KATNA1: variants seen among roughly 807,000 people sequenced by gnomAD.
The protein encoded by KATNA1 is katanin p60 ATPase-containing subunit A1.
Under a neutral mutation model 62.6 loss-of-function variants are expected in KATNA1, and 42 were observed. The observed-to-expected ratio is 0.67, with a 90% confidence interval of 0.52 to 0.87. The LOEUF (loss-of-function observed/expected upper bound fraction) is 0.87. KATNA1 is among the 40% of genes least tolerant of loss of function. The pLI is 0.00. For missense variants in KATNA1, 498 were observed against 612.5 expected, an observed-to-expected ratio of 0.81 and a Z score of 1.97; for synonymous variants, 186 against 201.9, an observed-to-expected ratio of 0.92 and a Z score of 0.67.
chr6:149,609,632 G>A (rs1778869030), intron 4 of KATNA1, among the ~76,000 whole-genome samples: 2 of 151,636 alleles, frequency 1.3e-5, no homozygotes, highest in Admixed American at 6.6e-5. Context: ...GTGAAACCCC[G>A]TCTCTACTAA....
chr6:149,614,093 T>C (rs1240270526), intron 4 of KATNA1, among the ~76,000 whole-genome samples: 1 of 152,196 alleles, frequency 6.6e-6, no homozygotes, highest in African/African-American at 2.4e-5. Context: ...GTCTGTGGTA[T>C]TCTGTGATAG....
In KATNA1 at chr6:149,647,405, A is replaced by C. The variant is rs75035601; in HGVS notation, c.-14+1064T>G. On this transcript the variant is annotated intron_variant, in intron 1 of 10. Coordinates refer to ENST00000367411, the MANE Select transcript of KATNA1 (RefSeq NM_007044.4). ...CGCGTAGTGGAGCGCGCCTGTAGTC[A>C]CAGCTACTCAAGGAGGCTGAGGCAG... Among the ~76,000 whole-genome samples, 550 of 151,402 alleles carry C rather than the reference A, an allele frequency of 3.6e-3. 3 individuals carry two copies. Among genetic ancestry groups the C allele is most frequent in the African/African-American group, 0.013 (524 of 41,328 alleles).
Position 149,601,646 on chromosome 6 carries a change from G to A in KATNA1, c.836C>T (p.Thr279Ile). Reference sequence around the variant, plus strand: ...CTCAGATTCTCCTCTGTATTTGGAAGTCAAAGTTGATGAAGAGACATTGAA... The same window carrying A: ...CTCAGATTCTCCTCTGTATTTGGAAATCAAAGTTGATGAAGAGACATTGAA... ...TFFNVSSSTL[T>I]SKYRGESEKL... Residue 279 changes from threonine to isoleucine, a missense_variant, in exon 7 of 11, where the codon ACT (threonine) becomes ATT (isoleucine). Thr to Ile is a moderately conservative substitution (Grantham distance 89). Coordinates refer to ENST00000367411, the MANE Select transcript of KATNA1 (RefSeq NM_007044.4). 1 of 1,612,708 alleles carries A rather than the reference G, an allele frequency of 6.2e-7. No individual in the cohort carries two copies. Among genetic ancestry groups the A allele is most frequent in the African/African-American group, 1.3e-5 (1 of 74,950 alleles).
At chr6:149,621,193 A>G (rs920225060) in intron 4 of KATNA1, among the ~76,000 whole-genome samples, 4 of 143,154 alleles carry the variant, frequency 2.8e-5, no homozygotes, top group Non-Finnish European at 4.5e-5. Flanking sequence ...GCGCGATCTT[A>G]GGTCACTGCA....
intron 4 of KATNA1, among the ~76,000 whole-genome samples, chr6:149,621,694 T>C (rs1297007439): frequency 2.0e-5 from 3 of 151,256 alleles, no homozygotes; most frequent in African/African-American, 4.9e-5. Flanking sequence ...GGTTTCACCA[T>C]GTTGGCCAGG....
At position 149,594,914 on chromosome 6, in the gene KATNA1, G is replaced by C. The variant is rs1778237185; in HGVS notation, c.*122C>G. Reference sequence around the variant, plus strand: ...ATTGCCTTTATTCAGAATCATAAGGGTTTTTTTAAAAAAATCTTACCATTA... The same window carrying C: ...ATTGCCTTTATTCAGAATCATAAGGCTTTTTTTAAAAAAATCTTACCATTA... On this transcript the variant is annotated 3_prime_UTR_variant, in exon 11 of 11. Coordinates refer to ENST00000367411, the MANE Select transcript of KATNA1 (RefSeq NM_007044.4). 8 of 736,568 alleles carry C rather than the reference G, an allele frequency of 1.1e-5. No individual in the cohort carries two copies. The highest frequency in any genetic ancestry group is 1.7e-5 in the Non-Finnish European group (8 of 476,756). The allele number at this position is 736,568 out of a possible 1,614,324, so 45.6% of individuals were successfully genotyped here. A position where few individuals can be genotyped will look rare whatever the true frequency, so the allele number is the denominator to read the frequency against.
chr6:149,634,849 G>A (rs1336525156), intron 2 of KATNA1, among the ~76,000 whole-genome samples: 5 of 151,398 alleles, frequency 3.3e-5, no homozygotes, highest in African/African-American at 1.2e-4. Context: ...ACACTGATCA[G>A]AATATACTAA....
rs1022810331 is a variant in KATNA1, at chr6:149,604,747, T to C, written c.537A>G (p.Thr179=). Residue 179 remains threonine (T), a synonymous_variant, in exon 5 of 11, where the codon ACA becomes ACG. Coordinates refer to ENST00000367411, the MANE Select transcript of KATNA1 (RefSeq NM_007044.4). The part of the protein sequence containing the change: ...KSPAAVTEPE[T]NKFDSTGYDK... ...CATATCCGGTACTATCAAATTTATT[T>C]GTCTCTGGTTCTGTTACTGCAGCAG... 59 of 1,613,450 alleles carry C rather than the reference T, an allele frequency of 3.7e-5. No homozygotes were observed. Among genetic ancestry groups the C allele is most frequent in the Non-Finnish European group, 5.0e-5 (59 of 1,179,462 alleles).
At position 149,639,612 on chromosome 6, in the gene KATNA1, TA is replaced by T. The variant is rs1213788288; in HGVS notation, c.-13-1053del. Among the ~76,000 whole-genome samples the T allele has an allele frequency of 3.6e-3, 552 of 151,858 alleles. 2 individuals are homozygous for T. Among genetic ancestry groups the T allele is most frequent in the African/African-American group, 0.013 (525 of 41,440 alleles). On this transcript the variant is annotated intron_variant, in intron 1 of 10. Transcript: ENST00000367411. ...GACTCTGTCTCAAAAAATAAAAAAATAAAATAAAATAAATTTAAAACATTGT... is the reference window on the plus strand; with the variant it reads ...GACTCTGTCTCAAAAAATAAAAAAATAAATAAAATAAATTTAAAACATTGT...
At chr6:149,597,825 T>C (rs1322057764) in intron 8 of KATNA1, among the ~76,000 whole-genome samples, 184 bp from the exon 9 acceptor site, 1 of 152,228 alleles carries the variant, frequency 6.6e-6, no homozygotes, top group African/African-American at 2.4e-5. Flanking sequence ...AAATGAGTTC[T>C]GTAGTATGCA....
intron 4 of KATNA1, 132 bp from the exon 5 acceptor site, chr6:149,604,914 C>G: frequency 1.3e-6 from 1 of 775,214 alleles, no homozygotes; most frequent in Non-Finnish European, 2.1e-6. Context: ...GTGGCTCACA[C>G]CTGTAATCCC....
At chr6:149,640,077 T>A (rs1780223110) in intron 1 of KATNA1, among the ~76,000 whole-genome samples, 1 of 152,236 alleles carries the variant, frequency 6.6e-6, no homozygotes, top group Non-Finnish European at 1.5e-5. Flanking sequence ...CCTGTTTTAA[T>A]ATCTGTGGAA....
chr6:149,648,216 G>T (rs528220424), intron 1 of KATNA1, among the ~76,000 whole-genome samples: 1 of 152,290 alleles, frequency 6.6e-6, no homozygotes, highest in Admixed American at 6.5e-5. Flanking sequence ...CTTCGCTAAC[G>T]ACACAGATCA....
At chr6:149,645,712 G>A (rs985386890) in intron 1 of KATNA1, among the ~76,000 whole-genome samples, 1 of 152,100 alleles carries the variant, frequency 6.6e-6, no homozygotes, top group Non-Finnish European at 1.5e-5. Flanking sequence ...GTATTTATGA[G>A]TTAGCTAATG....
At chr6:149,601,538 C>T in intron 7 of KATNA1, 56 bp downstream of exon 7, 1 of 1,455,136 alleles carries the variant, frequency 6.9e-7, no homozygotes, top group Non-Finnish European at 9.2e-7. Flanking sequence ...AGTTACAGCT[C>T]ACTTTCTCCC....
chr6:149,628,819 CAAAA>C (rs1285574683), intron 3 of KATNA1, among the ~76,000 whole-genome samples: 1 of 92,802 alleles, frequency 1.1e-5, no homozygotes. Flanking sequence ...GACTCCATCT[CAAAA>C]AAAAAAAAGA....
intron 4 of KATNA1, among the ~76,000 whole-genome samples, chr6:149,607,519 G>A (rs1778788750): frequency 6.6e-6 from 1 of 152,150 alleles, no homozygotes; most frequent in Admixed American, 6.6e-5. Context: ...GAGGCTGAGA[G>A]GAGAATCGCT....
intron 1 of KATNA1, among the ~76,000 whole-genome samples, chr6:149,647,044 T>C (rs1780512374): frequency 6.6e-6 from 1 of 152,170 alleles, no homozygotes; most frequent in Admixed American, 6.6e-5. Flanking sequence ...AGCATGCCTA[T>C]TACCTATAAA....
chr6:149,635,041 C>A (rs773520611), intron 2 of KATNA1, among the ~76,000 whole-genome samples: 1 of 150,574 alleles, frequency 6.6e-6, no homozygotes, highest in East Asian at 2.0e-4. Flanking sequence ...TAAGGCTCCA[C>A]CTCAAAAATA....
Sources: gnomAD v4.1 joint callset for allele counts (sites outside exome capture counted in the v4.1 genomes callset) on GRCh38, gnomAD v4.1.1 for gene constraint, MANE v1.5 for transcripts, NCBI Gene and HGNC (gene_info 2026-07-23, HGNC 2026-07-21) for gene names.